TENM4: variants seen among roughly 807,000 people sequenced by gnomAD.
TENM4 encodes teneurin transmembrane protein 4, also known as teneurin-4.
A neutral mutation model predicts 243.3 loss-of-function variants in TENM4; 82 were observed. The observed-to-expected ratio is 0.34, with a 90% CI of 0.28 to 0.40. TENM4 has a LOEUF of 0.40. Among genes scored for constraint, TENM4 ranks in the 10% least tolerant of loss-of-function variants. TENM4 has a pLI of 1.00. For synonymous variants in TENM4, 1,412 were observed against 1,456.3 expected, an observed-to-expected ratio of 0.97 and a Z score of 0.69; for missense variants, 3,138 against 3,673.3, an observed-to-expected ratio of 0.85 and a Z score of 3.77.
At chr11:79,061,954 C>T (rs578085816) in intron 6 of TENM4, among the ~76,000 whole-genome samples, 2 of 140,704 alleles carry the variant, frequency 1.4e-5, no homozygotes, top group Admixed American at 8.0e-5. Context: ...TTGAGATAAT[C>T]GGTGGCAACT....
chr11:79,024,457 A>G (rs958504788), intron 6 of TENM4, among the ~76,000 whole-genome samples: 2 of 152,250 alleles, frequency 1.3e-5, no homozygotes, highest in African/African-American at 2.4e-5. Flanking sequence ...AGCTATTCAC[A>G]TCCAAGAAAA....
At chr11:78,684,941 A>G (rs766122805) in intron 29 of TENM4, among the ~76,000 whole-genome samples, 1 of 152,222 alleles carries the variant, frequency 6.6e-6, no homozygotes, top group Non-Finnish European at 1.5e-5. Context: ...GGCTATGTCA[A>G]GAACTAAAGA....
chr11:79,087,036 G>C (rs115414970), intron 4 of TENM4, among the ~76,000 whole-genome samples: 484 of 152,206 alleles, frequency 3.2e-3, no homozygotes, highest in African/African-American at 0.011. Context: ...ACAGAGTTGG[G>C]AACTGTGTCT....
Position 78,656,721 on chromosome 11 carries a change from C to T in TENM4, c.*1337G>A. Reference sequence around the variant, plus strand: ...ATGGGCAGGCCACACCACATCAGCTCTTCCCTCCTTTCTTCCTGTCACTAA... The same window carrying T: ...ATGGGCAGGCCACACCACATCAGCTTTTCCCTCCTTTCTTCCTGTCACTAA... On this transcript the variant is annotated 3_prime_UTR_variant, in exon 34 of 34. Transcript: ENST00000278550. 1 of 269,464 alleles carries T rather than the reference C, an allele frequency of 3.7e-6. No individual in the cohort carries two copies. Among genetic ancestry groups the T allele is most frequent in the Non-Finnish European group, 6.9e-6 (1 of 144,852 alleles). 16.7% of individuals were successfully genotyped at this position (269,464 alleles called of 1,614,324 possible). A position where few individuals can be genotyped will look rare whatever the true frequency, so the allele number is the denominator to read the frequency against.
At chr11:79,295,426 A>C (rs1383553833) in intron 2 of TENM4, among the ~76,000 whole-genome samples, 1 of 152,164 alleles carries the variant, frequency 6.6e-6, no homozygotes, top group Non-Finnish European at 1.5e-5. Flanking sequence ...GAGAGCCTGC[A>C]GTAGTAAGTG....
intron 6 of TENM4, among the ~76,000 whole-genome samples, chr11:78,925,644 T>G (rs182632404): frequency 1.1e-4 from 16 of 152,298 alleles, no homozygotes; most frequent in Admixed American, 6.5e-4. Context: ...CATATGGACC[T>G]CTCACATAGC....
At chr11:79,369,904 A>G (rs1423419566) in intron 1 of TENM4, among the ~76,000 whole-genome samples, 2 of 152,198 alleles carry the variant, frequency 1.3e-5, no homozygotes, top group Non-Finnish European at 2.9e-5. Context: ...CTAGGTTCAA[A>G]CCCAGGACTG....
Position 78,701,591 on chromosome 11 carries a change from T to C in TENM4, c.5022A>G (p.Thr1674=). 1 of 1,607,842 alleles carries C rather than the reference T, an allele frequency of 6.2e-7. No individual in the cohort carries two copies. Residue 1674 remains threonine, a synonymous_variant, in exon 28 of 34, where the codon ACA becomes ACG. Coordinates refer to ENST00000278550, the MANE Select transcript of TENM4 (RefSeq NM_001098816.3). ...CCAGAAGGCCGGAATTGCCATGGTA[T>C]GTCATCATGGCCAACTCGTGTCCTT... ...TTQGHELAMM[T]YHGNSGLLAT...
intron 12 of TENM4, among the ~76,000 whole-genome samples, chr11:78,853,495 G>A (rs1486678482): frequency 1.3e-5 from 2 of 152,150 alleles, no homozygotes; most frequent in Non-Finnish European, 2.9e-5. Context: ...CACTGCGAGG[G>A]AGAGTGAAGG....
At chr11:79,122,524 G>A (rs1311980259) in intron 4 of TENM4, among the ~76,000 whole-genome samples, 1 of 152,164 alleles carries the variant, frequency 6.6e-6, no homozygotes, top group African/African-American at 2.4e-5. Context: ...GTACAGAGAG[G>A]GGACTGGATT....
At chr11:79,148,115 G>A (rs1264628107) in intron 4 of TENM4, among the ~76,000 whole-genome samples, 1 of 152,080 alleles carries the variant, frequency 6.6e-6, no homozygotes, top group Non-Finnish European at 1.5e-5. Context: ...TCCATATACT[G>A]GGCAAAGATC....
At chr11:79,072,532 A>G (rs1053618257) in intron 4 of TENM4, among the ~76,000 whole-genome samples, 11 of 152,156 alleles carry the variant, frequency 7.2e-5, no homozygotes, top group Admixed American at 2.6e-4. Flanking sequence ...CCCACTACAC[A>G]CATTGATGTA....
At position 79,403,526 on chromosome 11, in the gene TENM4, C is replaced by T. The variant is rs377216716; in HGVS notation, c.-321+36983G>A. Among the ~76,000 whole-genome samples, 8 of 152,148 alleles carry T rather than the reference C, an allele frequency of 5.3e-5. No homozygotes were observed. The East Asian group carries it at 1.2e-3, about 22-fold the overall frequency. ...CACTAGTCAAATTTGATACCCTTTC[C>T]ATCTCCCATCACTGTTCTGTTGCCA... On this transcript the variant is annotated intron_variant, in intron 1 of 33. Coordinates refer to ENST00000278550, the MANE Select transcript of TENM4 (RefSeq NM_001098816.3).
At chr11:79,332,007 T>C (rs980699203) in intron 1 of TENM4, among the ~76,000 whole-genome samples, 1 of 152,262 alleles carries the variant, frequency 6.6e-6, no homozygotes, top group Non-Finnish European at 1.5e-5. Context: ...TACAAGAGGA[T>C]GCTTTGCTTT....
At chr11:79,164,442 T>C in intron 3 of TENM4, among the ~76,000 whole-genome samples, 1 of 132,966 alleles carries the variant, frequency 7.5e-6, no homozygotes, top group South Asian at 2.5e-4. Context: ...ATATATGTAC[T>C]ATATAGTATA....
intron 7 of TENM4, among the ~76,000 whole-genome samples, chr11:78,900,234 C>G (rs924738966): frequency 2.6e-5 from 4 of 152,216 alleles, no homozygotes; most frequent in African/African-American, 9.6e-5. Context: ...TAGATAATCA[C>G]AGCAGAAAGT....
At chr11:79,242,995 GC>G (rs1855450850) in intron 2 of TENM4, among the ~76,000 whole-genome samples, 1 of 152,174 alleles carries the variant, frequency 6.6e-6, no homozygotes. Context: ...GGGCCTGGGG[GC>G]TAGGAAGGGT....
chr11:78,952,379 A>G (rs1857125203), intron 6 of TENM4, among the ~76,000 whole-genome samples: 1 of 152,232 alleles, frequency 6.6e-6, no homozygotes, highest in Non-Finnish European at 1.5e-5. Context: ...GCTAAGGATC[A>G]GGACCCGAGC....
intron 3 of TENM4, among the ~76,000 whole-genome samples, chr11:79,192,559 C>T (rs964764844): frequency 2.0e-5 from 3 of 151,862 alleles, no homozygotes; most frequent in African/African-American, 4.9e-5. Context: ...TAAACAGATG[C>T]TTGAAGGCAG....
Sources: allele counts gnomAD v4.1 joint callset (sites outside exome capture counted in the v4.1 genomes callset), GRCh38; gene constraint gnomAD v4.1.1; transcripts MANE v1.5; gene names NCBI Gene and HGNC (gene_info 2026-07-23, HGNC 2026-07-21).